SP110: variants seen among roughly 807,000 people sequenced by gnomAD.
The protein encoded by SP110 is SP110 nuclear body protein.
A neutral mutation model predicts 92.7 loss-of-function variants in SP110; 62 were observed. The observed-to-expected ratio is 0.67, with a 90% CI of 0.55 to 0.83. SP110 has a LOEUF of 0.83. Among genes scored for constraint, SP110 ranks in the 40% least tolerant of loss-of-function variants. The probability of loss-of-function intolerance (pLI) is 0.00; values close to 1 mark genes in which losing one functional copy is unlikely to be tolerated. For missense variants in SP110, 793 were observed against 863.9 expected (o/e 0.92, Z 1.03); for synonymous variants, 273 against 305.3 (o/e 0.89, Z 1.10).
intron 10 of SP110, among the ~76,000 whole-genome samples, chr2:230,192,795 T>C (rs542896266): frequency 6.6e-6 from 1 of 152,318 alleles, no homozygotes; most frequent in South Asian, 2.1e-4. Context: ...GGCTATCATA[T>C]GGTCTATCTT....
chr2:230,169,296 C>A, intron 18 of SP110, 59 bp from the exon 19 acceptor site: 1 of 993,982 alleles, frequency 1.0e-6, no homozygotes. Flanking sequence ...GCCATCAAAT[C>A]ACTCATACTT....
chr2:230,196,391 T>G (rs2148821210), intron 10 of SP110, among the ~76,000 whole-genome samples: 1 of 152,042 alleles, frequency 6.6e-6, no homozygotes, highest in African/African-American at 2.4e-5. Flanking sequence ...GATACAGAGA[T>G]GATACACAAT....
intron 13 of SP110, 39 bp downstream of exon 13, chr2:230,178,118 A>C (rs368829149): frequency 2.4e-6 from 3 of 1,264,318 alleles, no homozygotes; most frequent in Non-Finnish European, 3.5e-6. Flanking sequence ...TGAGTCCTTC[A>C]TCTAGGGATT....
intron 9 of SP110, among the ~76,000 whole-genome samples, chr2:230,202,058 GCTCA>G (rs1241583655): frequency 6.6e-6 from 1 of 152,108 alleles, no homozygotes; most frequent in Non-Finnish European, 1.5e-5. Context: ...TTTTTATAAA[GCTCA>G]CTCACAATCA....
At chr2:230,206,399 G>T (rs1473693270) in intron 8 of SP110, among the ~76,000 whole-genome samples, 3 of 151,122 alleles carry the variant, frequency 2.0e-5, no homozygotes, top group African/African-American at 7.3e-5. Context: ...GTTCTTTCTT[G>T]GTGCTCCTCT....
At chr2:230,206,755 T>C (rs1002055836) in intron 8 of SP110, among the ~76,000 whole-genome samples, 2 of 151,088 alleles carry the variant, frequency 1.3e-5, no homozygotes, top group Admixed American at 1.3e-4. Flanking sequence ...GTATGCAATA[T>C]AAATATAGGA....
chr2:230,173,157 G>A (rs926643683), intron 14 of SP110, 198 bp from the exon 15 acceptor site: 34 of 563,320 alleles, frequency 6.0e-5, no homozygotes, highest in Non-Finnish European at 1.1e-4. Flanking sequence ...TCTGGGTGGT[G>A]ACCGCCGCCA....
chr2:230,212,319 A>G (rs201135889), intron 5 of SP110, 28 bp downstream of exon 5: 2 of 1,536,550 alleles, frequency 1.3e-6, no homozygotes, highest in Non-Finnish European at 1.8e-6. Context: ...ACCTTGAGCT[A>G]AGCGGTATCA....
chr2:230,177,697 AT>A lies in SP110; in HGVS notation c.1448-18del. On this transcript the variant is annotated intron_variant, in intron 13 of 18. Coordinates refer to ENST00000258381, the MANE Select transcript of SP110 (RefSeq NM_080424.4). ...CTGAGGATCCTGTAAGAAAAAGCCCATTCTTGGATCTACCCCCATCCTCTGT... is the reference window on the plus strand; with the variant it reads ...CTGAGGATCCTGTAAGAAAAAGCCCATCTTGGATCTACCCCCATCCTCTGT... 1.2e-6 allele frequency: 2 copies of A among 1,613,736 alleles called. No individual in the cohort carries two copies. The highest frequency in any genetic ancestry group is 1.6e-4 in the Middle Eastern group (1 of 6,062).
At chr2:230,199,365 C>T (rs1049053698) in intron 10 of SP110, among the ~76,000 whole-genome samples, 3 of 151,490 alleles carry the variant, frequency 2.0e-5, no homozygotes, top group Non-Finnish European at 2.9e-5. Flanking sequence ...CCCACCACCA[C>T]GCCTGGCTAG....
chr2:230,219,899 C>T lies in SP110; in HGVS notation c.-27G>A, dbSNP rs200659531. On this transcript the variant is annotated 5_prime_UTR_variant, in exon 1 of 19. Coordinates refer to ENST00000258381, the MANE Select transcript of SP110 (RefSeq NM_080424.4). Reference sequence around the variant, plus strand: ...CTGGACTTTGAGTTTGTCGTTCCTGCCCCTTTCCAGGGGCTGGGACAGGGA... The same window carrying T: ...CTGGACTTTGAGTTTGTCGTTCCTGTCCCTTTCCAGGGGCTGGGACAGGGA... 3 of 985,232 alleles carry T rather than the reference C, an allele frequency of 3.0e-6. No homozygotes were observed. In the South Asian group the frequency reaches 1.4e-4, roughly 46 times the overall value. 61.0% of individuals were successfully genotyped at this position (985,232 alleles called of 1,614,324 possible). A position where few individuals can be genotyped will look rare whatever the true frequency, so the allele number is the denominator to read the frequency against.
upstream of SP110, among the ~76,000 whole-genome samples, chr2:230,224,050 A>T (rs143349484): frequency 3.9e-5 from 6 of 152,318 alleles, no homozygotes; most frequent in Admixed American, 2.6e-4. Flanking sequence ...TGTAGTGAGC[A>T]TAGGGAAAAA....
intron 8 of SP110, among the ~76,000 whole-genome samples, chr2:230,206,453 T>C (rs1381754874): frequency 6.6e-6 from 1 of 151,714 alleles, no homozygotes; most frequent in East Asian, 1.9e-4. Context: ...GCTAGATTCC[T>C]CTTCCACTGG....
chr2:230,224,450 AGAGGGAGAGG>A (rs1269857018), upstream of SP110, among the ~76,000 whole-genome samples: 23 of 81,286 alleles, frequency 2.8e-4, no homozygotes, highest in Admixed American at 6.7e-4. Context: ...GGAGGGAGAG[AGAGGGAGAGG>A]GAGGGAGAGG....
At chr2:230,191,912 C>A (rs1180129258) in intron 10 of SP110, among the ~76,000 whole-genome samples, 2 of 152,144 alleles carry the variant, frequency 1.3e-5, no homozygotes, top group Non-Finnish European at 2.9e-5. Flanking sequence ...CCAAATCCAG[C>A]AGCACATCAA....
intron 10 of SP110, among the ~76,000 whole-genome samples, chr2:230,186,616 G>A (rs1309355930): frequency 6.6e-6 from 1 of 152,110 alleles, no homozygotes; most frequent in African/African-American, 2.4e-5. Flanking sequence ...TCTGAGTAGT[G>A]TACATTGTAC....
At chr2:230,182,208 G>A (rs923769282) in intron 12 of SP110, among the ~76,000 whole-genome samples, 3 of 121,826 alleles carry the variant, frequency 2.5e-5, no homozygotes, top group Middle Eastern at 3.8e-3. Context: ...ATGCAGGAAC[G>A]GAAAACTAAA....
At chr2:230,214,428 A>G (rs1317532153) in intron 3 of SP110, among the ~76,000 whole-genome samples, 1 of 152,208 alleles carries the variant, frequency 6.6e-6, no homozygotes, top group African/African-American at 2.4e-5. Flanking sequence ...TTAACCAACA[A>G]GTAATTTTGG....
At chr2:230,214,637 C>G (rs1186042663) in intron 3 of SP110, among the ~76,000 whole-genome samples, 3 of 152,190 alleles carry the variant, frequency 2.0e-5, no homozygotes, top group Admixed American at 2.0e-4. Flanking sequence ...CAGACCTGAT[C>G]TTTGTAACTT....
Sources: allele counts gnomAD v4.1 joint callset (sites outside exome capture counted in the v4.1 genomes callset), GRCh38; gene constraint gnomAD v4.1.1; transcripts MANE v1.5; gene names NCBI Gene and HGNC (gene_info 2026-07-23, HGNC 2026-07-21).